Variants in DLEU7 observed in about 807,000 individuals in gnomAD.
The protein encoded by DLEU7 is deleted in lymphocytic leukemia 7.
In DLEU7, 17 loss-of-function variants were observed where a neutral mutation model predicts 16.0. The ratio of observed to expected loss-of-function variants is 1.06; its 90% CI spans 0.73 to 1.59. The LOEUF is 1.59. Among genes scored for constraint, DLEU7 ranks in the 40% most tolerant of loss-of-function variants. The probability of loss-of-function intolerance (pLI) is 0.00; values close to 1 mark genes in which losing one functional copy is unlikely to be tolerated. For synonymous variants in DLEU7, 113 were observed against 139.8 expected (o/e 0.81, Z 1.35); for missense variants, 308 against 314.9 (o/e 0.98, Z 0.17).
intron 1 of DLEU7, among the ~76,000 whole-genome samples, chr13:50,770,794 A>G (rs947372415): frequency 6.7e-6 from 1 of 148,956 alleles, no homozygotes; most frequent in African/African-American, 2.4e-5. Context: ...CATAAAATGA[A>G]GGAGGATCCC....
chr13:50,765,626 C>A (rs183545272), intron 1 of DLEU7, among the ~76,000 whole-genome samples: 198 of 151,600 alleles, frequency 1.3e-3, no homozygotes, highest in Middle Eastern at 3.4e-3. Context: ...AGGAAGAAGA[C>A]CAGGAGAAAT....
chr13:50,711,348 G>T (rs1873279351), downstream of DLEU7: 1 of 152,132 alleles, frequency 6.6e-6, no homozygotes, highest in East Asian at 1.9e-4. Flanking sequence ...AGCAGCGTCT[G>T]GTCCTTATAT....
intron 1 of DLEU7, among the ~76,000 whole-genome samples, chr13:50,803,639 T>G (rs1267387944): frequency 6.6e-6 from 1 of 152,120 alleles, no homozygotes; most frequent in Non-Finnish European, 1.5e-5. Context: ...AATAAAATTA[T>G]TTTTGATATG....
At chr13:50,786,610 C>T (rs539106676) in intron 1 of DLEU7, among the ~76,000 whole-genome samples, 1 of 152,308 alleles carries the variant, frequency 6.6e-6, no homozygotes, top group African/African-American at 2.4e-5. Context: ...AACCAGACTT[C>T]CTGAGTGAGA....
intron 1 of DLEU7, among the ~76,000 whole-genome samples, chr13:50,738,798 T>C (rs1874156757): frequency 6.6e-6 from 1 of 152,154 alleles, no homozygotes; most frequent in African/African-American, 2.4e-5. Context: ...TTGAAAGAGA[T>C]AGTATCTGAG....
downstream of DLEU7, chr13:50,711,772 C>CCGGGGGAG: frequency 1.5e-4 from 11 of 72,928 alleles, 2 homozygotes; most frequent in African/African-American, 3.9e-4. Context: ...GACCCAGTGG[C>CCGGGGGAG]GGGGGCGGGG....
At chr13:50,835,329 C>G (rs563253418) in intron 1 of DLEU7, among the ~76,000 whole-genome samples, 5 of 152,310 alleles carry the variant, frequency 3.3e-5, no homozygotes, top group Admixed American at 2.0e-4. Flanking sequence ...AGAGCTGTAG[C>G]TGCTCCGGTG....
intron 1 of DLEU7, among the ~76,000 whole-genome samples, chr13:50,828,710 G>A (rs1449020725): frequency 6.6e-6 from 1 of 152,102 alleles, no homozygotes; most frequent in Non-Finnish European, 1.5e-5. Context: ...TTCTCCCTAT[G>A]AAAAACCCTG....
intron 1 of DLEU7, among the ~76,000 whole-genome samples, chr13:50,716,409 C>T (rs1873439583): frequency 6.6e-6 from 1 of 152,206 alleles, no homozygotes; most frequent in Admixed American, 6.5e-5. Context: ...CTCTTGGTAC[C>T]ATATTGAACA....
chr13:50,736,697 T>G (rs904396886), intron 1 of DLEU7, among the ~76,000 whole-genome samples: 4 of 151,134 alleles, frequency 2.6e-5, no homozygotes, highest in Admixed American at 2.6e-4. Flanking sequence ...AAGGAAATAA[T>G]TTTAAAAGGA....
At chr13:50,745,697 G>A (rs141377288) in intron 1 of DLEU7, among the ~76,000 whole-genome samples, 6 of 152,186 alleles carry the variant, frequency 3.9e-5, no homozygotes, top group East Asian at 1.9e-4. Context: ...AAATGAAACC[G>A]AGTGACAGCA....
intron 1 of DLEU7, among the ~76,000 whole-genome samples, chr13:50,727,902 C>A (rs1319674469): frequency 6.6e-6 from 1 of 152,266 alleles, no homozygotes; most frequent in African/African-American, 2.4e-5. Context: ...CTGCTTCTCC[C>A]CTGTGGGTGC....
chr13:50,735,824 G>A (rs754411024), intron 1 of DLEU7, among the ~76,000 whole-genome samples: 42 of 151,966 alleles, frequency 2.8e-4, no homozygotes, highest in Non-Finnish European at 4.6e-4. Flanking sequence ...CACATCAGTC[G>A]GCATGATTAT....
intron 1 of DLEU7, among the ~76,000 whole-genome samples, chr13:50,756,613 GGCTTGAGA>G (rs1290626358): frequency 6.6e-6 from 1 of 152,130 alleles, no homozygotes; most frequent in African/African-American, 2.4e-5. Flanking sequence ...GGCCGAGCAG[GGCTTGAGA>G]ACTTGCCCCA....
At chr13:50,811,579 G>A (rs1046907708) in intron 1 of DLEU7, among the ~76,000 whole-genome samples, 4 of 152,134 alleles carry the variant, frequency 2.6e-5, no homozygotes, top group African/African-American at 9.7e-5. Context: ...GGAAGAAAAT[G>A]GACCCATCAA....
chr13:50,791,191 T>G (rs1314870460), intron 1 of DLEU7, among the ~76,000 whole-genome samples: 2 of 152,164 alleles, frequency 1.3e-5, no homozygotes, highest in African/African-American at 4.8e-5. Flanking sequence ...GAGAAACCAT[T>G]GCTTCATAGA....
chr13:50,789,282 C>T lies in DLEU7; in HGVS notation c.459+53906G>A, dbSNP rs150209477. ...AAGTTCCCGAGTTCTTATGTTGGTT[C>T]TGCTGCTGCCCGTGCTCCTGAACAA... On this transcript the variant is annotated intron_variant, in intron 1 of 1. Transcript: ENST00000400393. Among the ~76,000 whole-genome samples, 313 of 150,712 alleles carry T rather than the reference C, an allele frequency of 2.1e-3. 1 individual carries two copies. Among genetic ancestry groups the T allele is most frequent in the African/African-American group, 5.8e-3 (236 of 40,912 alleles).
exon 2 of DLEU7, chr13:50,713,221 T>G: frequency 1.2e-6 from 2 of 1,611,296 alleles, no homozygotes; most frequent in Non-Finnish European, 1.7e-6. Flanking sequence ...CCTTCTTCAC[T>G]CATTAGCCAG....
intron 1 of DLEU7, among the ~76,000 whole-genome samples, chr13:50,824,665 G>C (rs1593411161): frequency 6.6e-6 from 1 of 152,092 alleles, no homozygotes; most frequent in Non-Finnish European, 1.5e-5. Flanking sequence ...TTTGACTTTG[G>C]AATTACCCTC....
Sources: allele counts gnomAD v4.1 joint callset (sites outside exome capture counted in the v4.1 genomes callset), GRCh38; gene constraint gnomAD v4.1.1; transcripts MANE v1.5; gene names NCBI Gene and HGNC (gene_info 2026-07-23, HGNC 2026-07-21).